Variants in CASP4 observed in about 807,000 individuals in gnomAD.
The protein encoded by CASP4 is caspase-4.
Under a neutral mutation model 41.3 loss-of-function variants are expected in CASP4, and 29 were observed. The observed-to-expected ratio is 0.70, with a 90% CI of 0.52 to 0.96. CASP4 has a LOEUF of 0.96. Ranked by LOEUF, CASP4 falls within the 40% of genes least tolerant of loss-of-function variation. The pLI, the probability that CASP4 is intolerant of heterozygous loss-of-function variation, is 0.00. For synonymous variants in CASP4, 185 were observed against 158.4 expected (o/e 1.17, Z -1.26); for missense variants, 447 against 460.6 (o/e 0.97, Z 0.27).
chr11:104,944,867 G>C lies in CASP4; in HGVS notation c.1036-16C>G, dbSNP rs1425434709. Reference sequence around the variant, plus strand: ...ATTGCTGTACCTGAAAAAGAAAATAGGCTGTAGATGAGATACGACTCTTTT... The same window carrying C: ...ATTGCTGTACCTGAAAAAGAAAATACGCTGTAGATGAGATACGACTCTTTT... On this transcript the variant is annotated splice_polypyrimidine_tract_variant and intron_variant, in intron 7 of 8. Transcript: ENST00000444739. The C allele has an allele frequency of 6.6e-7, 1 of 1,511,324 alleles. No homozygotes were observed. The highest frequency in any genetic ancestry group is 1.4e-5 in the African/African-American group (1 of 72,838). 93.6% of individuals were successfully genotyped at this position (1,511,324 alleles called of 1,614,324 possible).
At chr11:104,947,004 T>A in intron 7 of CASP4, 79 bp downstream of exon 7, 1 of 992,816 alleles carries the variant, frequency 1.0e-6, no homozygotes, top group Non-Finnish European at 1.6e-6. Flanking sequence ...TGACAAAAAT[T>A]GTCATTGTGA....
intron 1 of CASP4, among the ~76,000 whole-genome samples, chr11:104,962,976 A>G (rs1438310990): frequency 6.6e-6 from 1 of 152,184 alleles, no homozygotes. Flanking sequence ...GAAATTCTAA[A>G]TCTTGTAAAA....
chr11:104,948,837 C>CACACACA lies in CASP4; in HGVS notation c.782-162_782-161insTGTGTGT, dbSNP rs1555069939. 8.4e-4 allele frequency: 383 copies of CACACACA among 458,544 alleles called. 2 individuals carry two copies. The highest frequency in any genetic ancestry group is 7.2e-3 in the African/African-American group (353 of 49,210). The allele number at this position is 458,544 out of a possible 1,614,324, so 28.4% of individuals were successfully genotyped here. On this transcript the variant is annotated intron_variant, in intron 5 of 8. Coordinates refer to ENST00000444739, the MANE Select transcript of CASP4 (RefSeq NM_001225.4). ...AGAGAGAGACACACACACACACACA[C>CACACACA]CACTTTTCTTTCTCTCCAGTGTCAT... is the stretch of plus-strand genomic sequence containing the variant.
chr11:104,948,447 G>A, intron 6 of CASP4, 86 bp downstream of exon 6: 4 of 1,305,602 alleles, frequency 3.1e-6, no homozygotes, highest in South Asian at 3.4e-5. Context: ...TCAGATCATT[G>A]TTTCATAGGG....
Position 104,950,996 on chromosome 11 carries a change from T to G in CASP4, c.475A>C (p.Ile159Leu), listed in dbSNP as rs760027660. 10 of 1,613,406 alleles carry G rather than the reference T, an allele frequency of 6.2e-6. No individual in the cohort carries two copies. Among genetic ancestry groups the G allele is most frequent in the Non-Finnish European group, 8.5e-6 (10 of 1,179,614 alleles). The change falls in exon 4 of 9, where the codon ATC becomes CTC. Residue 159 changes from isoleucine to leucine, a missense_variant. Physicochemically the swap from Ile to Leu is conservative, Grantham distance 5 (BLOSUM62 2). Coordinates refer to ENST00000444739, the MANE Select transcript of CASP4 (RefSeq NM_001225.4). ...LPPRNGADFD[I>L]TGMKELLEGL... is the part of the protein sequence containing the mutation. ...TCAAGTAGCTCCTTCATCCCTGTGA[T>G]GTCAAAGTCAGCTCCATTCCTCGGA...
At chr11:104,944,316 G>C (rs1259954519) in intron 8 of CASP4, 3 of 163,896 alleles carry the variant, frequency 1.8e-5, no homozygotes, top group African/African-American at 7.4e-5. Flanking sequence ...TTTTGTTTAG[G>C]GTTTGATGCA....
chr11:104,963,906 C>T (rs1860916731), intron 1 of CASP4, among the ~76,000 whole-genome samples: 1 of 152,110 alleles, frequency 6.6e-6, no homozygotes, highest in Non-Finnish European at 1.5e-5. Flanking sequence ...AAAAAAAATG[C>T]ATGCTTTCCT....
At chr11:104,950,795 T>TACACAC (rs1360209388) in intron 4 of CASP4, 130 bp downstream of exon 4, 21 of 93,708 alleles carry the variant, frequency 2.2e-4, no homozygotes, top group East Asian at 4.3e-4. Flanking sequence ...TCTTATTTTG[T>TACACAC]ATACACACAC....
chr11:104,968,541 T>A lies in CASP4; in HGVS notation c.-16A>T. 6.2e-7 allele frequency: 1 copy of A among 1,613,176 alleles called. No homozygotes were observed. Among genetic ancestry groups the A allele is most frequent in the Non-Finnish European group, 8.5e-7 (1 of 1,179,182 alleles). On this transcript the variant is annotated 5_prime_UTR_variant, in exon 1 of 9. Transcript: ENST00000444739. ...CACCTGCCATAGGGAACAGCCTCTG[T>A]CCTTTTTTACAGCGTTGGAAAGAGC...
chr11:104,952,175 G>C, intron 2 of CASP4, 170 bp from the exon 3 acceptor site: 1 of 561,340 alleles, frequency 1.8e-6, no homozygotes. Flanking sequence ...TACTGGAAAA[G>C]ATAGAAAAGC....
At chr11:104,945,536 G>C (rs900059168) in intron 7 of CASP4, among the ~76,000 whole-genome samples, 1 of 151,960 alleles carries the variant, frequency 6.6e-6, no homozygotes. Context: ...GATTACAGGC[G>C]TGAGCCACCG....
Position 104,952,018 on chromosome 11 carries a change from G to A in CASP4, c.263-13C>T. The stretch of plus-strand genomic sequence containing the variant: ...ATATTCGGATGAGCTGCAGGATATT[G>A]CAGAACATAAATTGTGATTTCTGCC... On this transcript the variant is annotated splice_polypyrimidine_tract_variant and intron_variant, in intron 2 of 8. Transcript: ENST00000444739. 1 of 1,529,106 alleles carries A rather than the reference G, an allele frequency of 6.5e-7. No homozygotes were observed. The highest frequency in any genetic ancestry group is 1.4e-5 in the African/African-American group (1 of 73,322). 94.7% of individuals were successfully genotyped at this position (1,529,106 alleles called of 1,614,324 possible).
intron 2 of CASP4, among the ~76,000 whole-genome samples, chr11:104,953,455 C>G: frequency 6.6e-6 from 1 of 152,174 alleles, no homozygotes; most frequent in East Asian, 1.9e-4. Flanking sequence ...TGCACTATCA[C>G]TGACTTTTTG....
chr11:104,964,791 A>G (rs1860936576), intron 1 of CASP4, among the ~76,000 whole-genome samples: 1 of 152,138 alleles, frequency 6.6e-6, no homozygotes, highest in Non-Finnish European at 1.5e-5. Flanking sequence ...AATTTACCCA[A>G]CTCATAGGTA....
At chr11:104,946,168 C>T (rs1014333850) in intron 7 of CASP4, among the ~76,000 whole-genome samples, 4 of 152,206 alleles carry the variant, frequency 2.6e-5, no homozygotes, top group South Asian at 4.1e-4. Flanking sequence ...CTTCTATAAA[C>T]GCCAGAGGTG....
At position 104,948,658 on chromosome 11, in the gene CASP4, C is replaced by A. The variant is rs1364728520; in HGVS notation, c.800G>T (p.Trp267Leu). ...ACRGANRGELWVRDSPASLEV... is the reference protein window; with the variant it reads ...ACRGANRGELLVRDSPASLEV... ...CAAGGATGCTGGAGAGTCTCTGACC[C>A]ACAGTTCCCCACGGTTTGCTATGGA... is the stretch of plus-strand genomic sequence containing the variant. Residue 267 changes from tryptophan (W) to leucine (L), a missense_variant, in exon 6 of 9, where the codon TGG becomes TTG. Physicochemically the swap from Trp to Leu is moderately conservative, Grantham distance 61 (BLOSUM62 -2). Coordinates refer to ENST00000444739, the MANE Select transcript of CASP4 (RefSeq NM_001225.4). 2 of 1,604,676 alleles carry A rather than the reference C, an allele frequency of 1.2e-6. No individual in the cohort carries two copies. Among genetic ancestry groups the A allele is most frequent in the African/African-American group, 1.3e-5 (1 of 74,836 alleles).
intron 1 of CASP4, among the ~76,000 whole-genome samples, chr11:104,962,956 CTACCT>C (rs1860893361): frequency 1.3e-5 from 2 of 152,170 alleles, no homozygotes; most frequent in Admixed American, 1.3e-4. Context: ...TTTCTCTGGA[CTACCT>C]TGGGGAAATT....
At chr11:104,949,904 C>A in intron 4 of CASP4, 127 bp from the exon 5 acceptor site, 1 of 833,904 alleles carries the variant, frequency 1.2e-6, no homozygotes, top group South Asian at 1.6e-5. Flanking sequence ...TTAGTGCTTA[C>A]TCAGTCATGA....
At chr11:104,948,788 AC>A (rs2134636522) in intron 5 of CASP4, 112 bp from the exon 6 acceptor site, 1 of 776,998 alleles carries the variant, frequency 1.3e-6, no homozygotes, top group Non-Finnish European at 2.0e-6. Flanking sequence ...ATACATACAG[AC>A]CCACACACAT....
Sources: allele counts gnomAD v4.1 joint callset (sites outside exome capture counted in the v4.1 genomes callset), GRCh38; gene constraint gnomAD v4.1.1; transcripts MANE v1.5; gene names NCBI Gene and HGNC (gene_info 2026-07-23, HGNC 2026-07-21).